The following LGSN variants were observed in gnomAD, a reference collection of about 807,000 sequenced individuals.
The protein encoded by LGSN is lengsin, lens protein with glutamine synthetase domain.
In LGSN, 21 loss-of-function variants were observed where a neutral mutation model predicts 19.5. That is an observed-to-expected ratio of 1.07 (90% CI 0.76 to 1.55). The LOEUF (loss-of-function observed/expected upper bound fraction) is 1.55, where lower values mean the gene tolerates loss of function less well. LGSN is among the 40% of genes most tolerant of loss of function. The pLI, the probability that LGSN is intolerant of heterozygous loss-of-function variation, is 0.00. For missense variants in LGSN, 673 were observed against 608.5 expected, an observed-to-expected ratio of 1.11 and a Z score of -1.12; for synonymous variants, 257 against 215.6, an observed-to-expected ratio of 1.19 and a Z score of -1.68.
At chr6:63,458,328 A>G in the LGSN span, among the ~76,000 whole-genome samples, 3 of 152,106 alleles carry the variant, frequency 2.0e-5, no homozygotes, top group Non-Finnish European at 2.9e-5. Flanking sequence ...CGGCCTCCCA[A>G]AGTGCTGGAA....
the LGSN span, among the ~76,000 whole-genome samples, chr6:63,541,326 G>C: frequency 6.6e-6 from 1 of 152,022 alleles, no homozygotes; most frequent in African/African-American, 2.4e-5. Flanking sequence ...AGGTCAAGGC[G>C]GGTGGATCAT....
the LGSN span, among the ~76,000 whole-genome samples, chr6:63,368,748 A>G: frequency 6.6e-6 from 1 of 152,208 alleles, no homozygotes; most frequent in African/African-American, 2.4e-5. Flanking sequence ...ATGAAGACAA[A>G]GATTTTTATC....
chr6:63,412,726 A>AAGGAAGGACG, the LGSN span, among the ~76,000 whole-genome samples: 18 of 41,360 alleles, frequency 4.4e-4, no homozygotes, highest in African/African-American at 2.1e-3. Context: ...AAGGAAAGAA[A>AAGGAAGGACG]GAAAGAAAGA....
the LGSN span, among the ~76,000 whole-genome samples, chr6:63,442,923 C>T: frequency 9.9e-5 from 15 of 152,254 alleles, no homozygotes; most frequent in South Asian, 2.1e-4. Flanking sequence ...GCCAGGACCA[C>T]GGGTGGAGCT....
chr6:63,342,442 G>T, the LGSN span, among the ~76,000 whole-genome samples: 3 of 152,156 alleles, frequency 2.0e-5, no homozygotes, highest in South Asian at 4.1e-4. Flanking sequence ...GTTAAAAGAG[G>T]GTTGGAAATA....
the LGSN span, chr6:63,441,947 G>C: frequency 4.3e-6 from 1 of 230,628 alleles, no homozygotes; most frequent in Non-Finnish European, 8.5e-6. Context: ...GACCCTCGCG[G>C]TGAGTGTTAC....
the LGSN span, among the ~76,000 whole-genome samples, chr6:63,357,003 C>T: frequency 7.9e-6 from 1 of 127,028 alleles, no homozygotes; most frequent in African/African-American, 2.9e-5. Context: ...CACAACAGGC[C>T]CCGGTGTGTG....
chr6:63,501,860 G>T, the LGSN span, among the ~76,000 whole-genome samples: 4 of 152,122 alleles, frequency 2.6e-5, no homozygotes, highest in Non-Finnish European at 5.9e-5. Context: ...GCAGTGGCAC[G>T]ATCACAGGTA....
the LGSN span, among the ~76,000 whole-genome samples, chr6:63,404,920 T>C: frequency 6.6e-6 from 1 of 151,502 alleles, no homozygotes; most frequent in Non-Finnish European, 1.5e-5. Context: ...TCATCACCTA[T>C]CATTAGGTAT....
chr6:63,313,597 G>A (rs1562019509), intron 1 of LGSN, among the ~76,000 whole-genome samples: 1 of 152,088 alleles, frequency 6.6e-6, no homozygotes, highest in South Asian at 2.1e-4. Context: ...CACTTTGGGA[G>A]GCCAAGGTGG....
the LGSN span, among the ~76,000 whole-genome samples, chr6:63,536,465 A>G: frequency 6.6e-6 from 1 of 152,254 alleles, no homozygotes; most frequent in African/African-American, 2.4e-5. Context: ...TTTCCCAGAC[A>G]GAGTGAATTA....
At chr6:63,423,183 CA>C in the LGSN span, among the ~76,000 whole-genome samples, 2 of 151,900 alleles carry the variant, frequency 1.3e-5, no homozygotes, top group East Asian at 3.9e-4. Context: ...CCTGTCTCTA[CA>C]AAAAATAAAA....
chr6:63,572,376 G>A, the LGSN span: 2 of 309,750 alleles, frequency 6.5e-6, no homozygotes, highest in Non-Finnish European at 1.2e-5. Context: ...GCGGGCCTCC[G>A]CCCCCGCCTG....
intron 1 of LGSN, among the ~76,000 whole-genome samples, chr6:63,302,881 C>T (rs931842018): frequency 2.8e-4 from 43 of 152,104 alleles, no homozygotes; most frequent in Admixed American, 2.8e-3. Context: ...AATCTCAGCA[C>T]TTTGGGATGC....
chr6:63,539,263 T>C, the LGSN span, among the ~76,000 whole-genome samples: 110 of 152,268 alleles, frequency 7.2e-4, no homozygotes, highest in Admixed American at 2.4e-3. Flanking sequence ...ACATAACATG[T>C]AATATTAACA....
the LGSN span, chr6:63,441,649 GAA>G: frequency 2.1e-6 from 1 of 482,732 alleles, no homozygotes; most frequent in East Asian, 5.1e-5. Flanking sequence ...AGGCAGAGGA[GAA>G]AGAGTGCCAG....
the LGSN span, among the ~76,000 whole-genome samples, chr6:63,448,109 G>A: frequency 1.7e-3 from 259 of 152,170 alleles, no homozygotes; most frequent in Admixed American, 6.2e-3. Context: ...TTTAAATTAA[G>A]AACAAAACAA....
the LGSN span, among the ~76,000 whole-genome samples, chr6:63,437,593 T>C: frequency 6.6e-6 from 1 of 152,234 alleles, no homozygotes; most frequent in African/African-American, 2.4e-5. Context: ...AGTCAAAATG[T>C]ATTTGCTGAA....
chr6:63,310,265 T>A (rs1768570450), intron 1 of LGSN, among the ~76,000 whole-genome samples: 1 of 152,186 alleles, frequency 6.6e-6, no homozygotes, highest in Non-Finnish European at 1.5e-5. Flanking sequence ...ACAAAATGAT[T>A]AATGTTCTTA....
Sources: gnomAD v4.1 joint callset for allele counts (sites outside exome capture counted in the v4.1 genomes callset) on GRCh38, gnomAD v4.1.1 for gene constraint, MANE v1.5 for transcripts, NCBI Gene and HGNC (gene_info 2026-07-23, HGNC 2026-07-21) for gene names.